The following SYNPR variants were observed in gnomAD, a reference collection of about 807,000 sequenced individuals.
SYNPR encodes synaptoporin.
SYNPR carries 23 observed loss-of-function variants against 32.9 expected under a neutral mutation model. That is an observed-to-expected ratio of 0.70 (90% CI 0.50 to 0.99). The LOEUF is 0.99. SYNPR is among the 50% of genes least tolerant of loss of function. The pLI, the probability that SYNPR is intolerant of heterozygous loss-of-function variation, is 0.00. For missense variants in SYNPR, 318 were observed against 349.3 expected, an observed-to-expected ratio of 0.91 and a Z score of 0.71; for synonymous variants, 146 against 135.9, an observed-to-expected ratio of 1.07 and a Z score of -0.52.
chr3:63,305,259 G>C (rs1004687275), intron 2 of SYNPR, among the ~76,000 whole-genome samples: 6 of 152,042 alleles, frequency 3.9e-5, no homozygotes, highest in Non-Finnish European at 8.8e-5. Flanking sequence ...AGCCCAAGCT[G>C]ACAGCTTGAC....
At position 63,616,578 on chromosome 3, in the gene SYNPR, C is replaced by T. The variant is rs1700281388; in HGVS notation, c.*1097C>T. 3.3e-5 allele frequency: 5 copies of T among 152,402 alleles called. No homozygotes were observed. In the South Asian group the frequency reaches 1.0e-3, roughly 32 times the overall value. 9.4% of individuals were successfully genotyped at this position (152,402 alleles called of 1,614,324 possible). On this transcript the variant is annotated 3_prime_UTR_variant, in exon 6 of 6. Transcript: ENST00000478300. ...TTACTAATTCTGATTTTAGTGTAGC[C>T]CCTAAATTAAAAATGGCTTCCATAT... is the stretch of plus-strand genomic sequence containing the variant.
intron 3 of SYNPR, among the ~76,000 whole-genome samples, chr3:63,491,033 G>A (rs949323186): frequency 6.6e-6 from 1 of 152,050 alleles, no homozygotes; most frequent in Non-Finnish European, 1.5e-5. Context: ...CAAAGTGAGG[G>A]GGTTACAGGT....
chr3:63,382,450 A>G (rs1334993021), intron 2 of SYNPR, among the ~76,000 whole-genome samples: 1 of 152,192 alleles, frequency 6.6e-6, no homozygotes, highest in Non-Finnish European at 1.5e-5. Context: ...AGTTGTTTTC[A>G]GTGGTGTTTG....
intron 2 of SYNPR, among the ~76,000 whole-genome samples, chr3:63,263,510 T>C (rs1440931951): frequency 6.6e-6 from 1 of 152,204 alleles, no homozygotes; most frequent in Non-Finnish European, 1.5e-5. Flanking sequence ...CAACAGTCAT[T>C]TATTTAGCTC....
At chr3:63,540,668 C>G (rs966414916) in intron 3 of SYNPR, among the ~76,000 whole-genome samples, 3 of 151,946 alleles carry the variant, frequency 2.0e-5, no homozygotes, top group Admixed American at 6.6e-5. Flanking sequence ...TGCAGTAAGG[C>G]ATATACAATA....
At chr3:63,325,685 C>G (rs1421729883) in intron 2 of SYNPR, among the ~76,000 whole-genome samples, 1 of 151,918 alleles carries the variant, frequency 6.6e-6, no homozygotes, top group Admixed American at 6.6e-5. Context: ...GGATTTGTCC[C>G]CATTTGACTC....
intron 2 of SYNPR, among the ~76,000 whole-genome samples, chr3:63,335,923 T>C (rs2087287795): frequency 6.6e-6 from 1 of 152,074 alleles, no homozygotes; most frequent in Non-Finnish European, 1.5e-5. Flanking sequence ...GTTACAGGCA[T>C]GTGCCACCAC....
chr3:63,332,890 A>G (rs938448991), intron 2 of SYNPR, among the ~76,000 whole-genome samples: 2 of 152,072 alleles, frequency 1.3e-5, no homozygotes, highest in African/African-American at 4.8e-5. Context: ...CTTGGTTTGG[A>G]GGCTGCCCTG....
At chr3:63,562,569 C>T (rs767253395) in intron 4 of SYNPR, among the ~76,000 whole-genome samples, 1 of 152,156 alleles carries the variant, frequency 6.6e-6, no homozygotes, top group Non-Finnish European at 1.5e-5. Flanking sequence ...TCACGGCTCA[C>T]CTTGGTTTCA....
At chr3:63,574,641 T>G (rs1702947132) in intron 4 of SYNPR, among the ~76,000 whole-genome samples, 1 of 152,160 alleles carries the variant, frequency 6.6e-6, no homozygotes, top group Admixed American at 6.5e-5. Context: ...TGGTTTATAC[T>G]TGTTGGTTAC....
intron 2 of SYNPR, among the ~76,000 whole-genome samples, chr3:63,320,301 T>G (rs967331325): frequency 6.6e-6 from 1 of 152,168 alleles, no homozygotes; most frequent in South Asian, 2.1e-4. Flanking sequence ...ATGAAGTTGA[T>G]GCATCAATGG....
intron 4 of SYNPR, among the ~76,000 whole-genome samples, chr3:63,589,172 A>T (rs376675721): frequency 4.4e-4 from 67 of 152,228 alleles, no homozygotes; most frequent in African/African-American, 1.5e-3. Flanking sequence ...GACTGCTTTG[A>T]GAACCATCCA....
chr3:63,229,072 T>C (rs569127083), intron 1 of SYNPR, among the ~76,000 whole-genome samples: 1 of 152,326 alleles, frequency 6.6e-6, no homozygotes, highest in African/African-American at 2.4e-5. Context: ...AAAAGCAAGG[T>C]AGCATAGTAG....
At chr3:63,540,273 G>A (rs941012873) in intron 3 of SYNPR, among the ~76,000 whole-genome samples, 1 of 152,066 alleles carries the variant, frequency 6.6e-6, no homozygotes, top group Non-Finnish European at 1.5e-5. Flanking sequence ...TAAAGATTGT[G>A]TTTAATTATC....
chr3:63,399,353 G>T (rs1412309904), intron 2 of SYNPR, among the ~76,000 whole-genome samples: 2 of 152,164 alleles, frequency 1.3e-5, no homozygotes, highest in Non-Finnish European at 2.9e-5. Flanking sequence ...ATTCTTGATG[G>T]ACATCACTAG....
At chr3:63,463,181 T>C (rs1231937671) in intron 2 of SYNPR, among the ~76,000 whole-genome samples, 4 of 152,152 alleles carry the variant, frequency 2.6e-5, no homozygotes, top group African/African-American at 9.7e-5. Flanking sequence ...GGTACAGCTA[T>C]GTCACTTTAC....
chr3:63,569,330 T>A (rs2106844389), intron 4 of SYNPR, among the ~76,000 whole-genome samples: 1 of 152,290 alleles, frequency 6.6e-6, no homozygotes, highest in Middle Eastern at 3.4e-3. Context: ...TCTAATTTTT[T>A]CCACATTAAA....
At chr3:63,584,145 T>C (rs1028349786) in intron 4 of SYNPR, among the ~76,000 whole-genome samples, 1 of 152,074 alleles carries the variant, frequency 6.6e-6, no homozygotes, top group South Asian at 2.1e-4. Flanking sequence ...TCTGGTGTCC[T>C]TTACAATGAA....
chr3:63,405,462 C>T (rs1199771604), intron 2 of SYNPR, among the ~76,000 whole-genome samples: 28 of 152,068 alleles, frequency 1.8e-4, no homozygotes, highest in Non-Finnish European at 2.9e-5. Flanking sequence ...GTGTAAATTG[C>T]TGTGTCTGGC....
Sources: allele counts gnomAD v4.1 joint callset (sites outside exome capture counted in the v4.1 genomes callset), GRCh38; gene constraint gnomAD v4.1.1; transcripts MANE v1.5; gene names NCBI Gene and HGNC (gene_info 2026-07-23, HGNC 2026-07-21).